Variants in LIMCH1 observed in about 807,000 individuals in gnomAD.
The protein encoded by LIMCH1 is LIM and calponin homology domains 1.
A neutral mutation model predicts 176.5 loss-of-function variants in LIMCH1; 113 were observed. The ratio of observed to expected loss-of-function variants is 0.64; its 90% CI spans 0.55 to 0.75. LIMCH1 has a LOEUF of 0.75. Ranked by LOEUF, LIMCH1 falls within the 30% of genes least tolerant of loss-of-function variation. LIMCH1 has a pLI of 0.00. For synonymous variants in LIMCH1, 619 were observed against 645.9 expected, an observed-to-expected ratio of 0.96 and a Z score of 0.63; for missense variants, 1,674 against 1,814.9, an observed-to-expected ratio of 0.92 and a Z score of 1.41.
Position 41,572,650 on chromosome 4 carries a change from G to A in LIMCH1, c.-240-26270G>A, listed in dbSNP as rs571868597. 3.3e-5 allele frequency among the ~76,000 whole-genome samples: 5 copies of A among 152,304 alleles called. No homozygotes were observed. In the South Asian group the frequency reaches 1.0e-3, roughly 32 times the overall value. Reference sequence around the variant, plus strand: ...AGCTTGGATGAGAAAACACAGAAAGGAATAATGCAAGGTCAGGCTGAAATG... The same window carrying A: ...AGCTTGGATGAGAAAACACAGAAAGAAATAATGCAAGGTCAGGCTGAAATG... On this transcript the variant is annotated intron_variant, in intron 1 of 31. Transcript: ENST00000503057.
In LIMCH1 at chr4:41,571,265, A is replaced by T. The variant is rs538192761; in HGVS notation, c.-240-27655A>T. ...GTGAGAAAAAGATGAAGACAGAGAC[A>T]GAGAAGAGAGGGGAAAATAAGTGTG... On this transcript the variant is annotated intron_variant, in intron 1 of 31. Coordinates refer to ENST00000503057, the MANE Select transcript of LIMCH1 (RefSeq NM_001330672.2). Among the ~76,000 whole-genome samples, 24 of 152,224 alleles carry T rather than the reference A, an allele frequency of 1.6e-4. No homozygotes were observed. The South Asian group carries it at 4.4e-3, about 28-fold the overall frequency.
At chr4:41,480,716 A>C (rs186391946) in intron 1 of LIMCH1, among the ~76,000 whole-genome samples, 1 of 152,282 alleles carries the variant, frequency 6.6e-6, no homozygotes, top group East Asian at 1.9e-4. Flanking sequence ...CAACCCATGT[A>C]GCCTACGAGC....
chr4:41,480,963 G>A (rs546366928), intron 1 of LIMCH1, among the ~76,000 whole-genome samples: 2 of 151,918 alleles, frequency 1.3e-5, no homozygotes, highest in Non-Finnish European at 2.9e-5. Flanking sequence ...ACAAGGGCTC[G>A]ATCAGAGGAT....
chr4:41,677,426 A>AAAAAGAG (rs1158905290), intron 23 of LIMCH1, among the ~76,000 whole-genome samples: 2 of 152,178 alleles, frequency 1.3e-5, no homozygotes, highest in Non-Finnish European at 2.9e-5. Flanking sequence ...AGAAAAAAGA[A>AAAAAGAG]AAGAAAAAGA....
At chr4:41,530,750 G>A (rs1207829248) in intron 3 of LIMCH1, among the ~76,000 whole-genome samples, 1 of 126,286 alleles carries the variant, frequency 7.9e-6, no homozygotes, top group African/African-American at 3.2e-5. Context: ...AGCCGAGATT[G>A]TGCCATTGCA....
chr4:41,543,049 A>T (rs1340407648), intron 1 of LIMCH1, among the ~76,000 whole-genome samples: 1 of 152,184 alleles, frequency 6.6e-6, no homozygotes, highest in Non-Finnish European at 1.5e-5. Context: ...TAATATGTTG[A>T]TTTGATGAAA....
chr4:41,431,323 C>T (rs2061590813), intron 1 of LIMCH1, among the ~76,000 whole-genome samples: 1 of 152,226 alleles, frequency 6.6e-6, no homozygotes, highest in Non-Finnish European at 1.5e-5. Context: ...TGGCCAGCCC[C>T]TTCTTACCTG....
At chr4:41,433,368 T>C (rs2061771701) in intron 1 of LIMCH1, among the ~76,000 whole-genome samples, 2 of 152,228 alleles carry the variant, frequency 1.3e-5, no homozygotes, top group Admixed American at 1.3e-4. Flanking sequence ...TACCTATTGC[T>C]GTATAAGAAA....
intron 28 of LIMCH1, among the ~76,000 whole-genome samples, chr4:41,687,335 G>A (rs185035569): frequency 4.6e-5 from 7 of 152,150 alleles, no homozygotes; most frequent in Non-Finnish European, 8.8e-5. Context: ...TTCATCCCAC[G>A]TATCCATAAT....
At chr4:41,496,031 C>T (rs1583125590) in intron 2 of LIMCH1, among the ~76,000 whole-genome samples, 1 of 152,212 alleles carries the variant, frequency 6.6e-6, no homozygotes, top group Non-Finnish European at 1.5e-5. Flanking sequence ...TCAGTGGATG[C>T]AAGCCAGTCA....
rs113302113 is a variant in LIMCH1, at chr4:41,369,939, A to AGTGTGTGTGTGTGT, written c.96+9010_96+9023dup. On this transcript the variant is annotated intron_variant, in intron 1 of 26. Transcript: ENST00000313860. ...CTGTTGCTGCCCTGACAGGAAGCAAAGTGTGTGTGTGTGTGTGTGTTTTGT... is the reference window on the plus strand; with the variant it reads ...CTGTTGCTGCCCTGACAGGAAGCAAAGTGTGTGTGTGTGTGTGTGTGTGTGTGTGTGTGTTTTGT... Among the ~76,000 whole-genome samples the AGTGTGTGTGTGTGT allele has an allele frequency of 4.2e-3, 577 of 138,340 alleles. 10 individuals are homozygous for AGTGTGTGTGTGTGT. Among genetic ancestry groups the AGTGTGTGTGTGTGT allele is most frequent in the African/African-American group, 0.015 (538 of 35,032 alleles). The allele number at this position is 138,340 out of a possible 152,430, so 90.8% of individuals were successfully genotyped here.
intron 1 of LIMCH1, among the ~76,000 whole-genome samples, chr4:41,451,863 C>A (rs1409481244): frequency 6.6e-5 from 10 of 152,178 alleles, no homozygotes. Flanking sequence ...ATCCCTTTAG[C>A]TAAGCTCCCA....
intron 1 of LIMCH1, among the ~76,000 whole-genome samples, chr4:41,424,852 A>G (rs2060928739): frequency 6.6e-6 from 1 of 152,228 alleles, no homozygotes; most frequent in South Asian, 2.1e-4. Context: ...GGTATCATTC[A>G]TCTTCTGTTT....
intron 1 of LIMCH1, among the ~76,000 whole-genome samples, chr4:41,482,559 G>GA (rs985382464): frequency 3.9e-5 from 6 of 152,118 alleles, no homozygotes; most frequent in African/African-American, 1.4e-4. Context: ...AATCAAATGA[G>GA]AAAAATGTCT....
chr4:41,533,107 T>C (rs1273641145), intron 3 of LIMCH1, among the ~76,000 whole-genome samples: 1 of 152,082 alleles, frequency 6.6e-6, no homozygotes, highest in African/African-American at 2.4e-5. Flanking sequence ...GGTCTTTCTA[T>C]AGAACAGCTT....
intron 4 of LIMCH1, among the ~76,000 whole-genome samples, chr4:41,606,410 G>A (rs1305789752): frequency 1.3e-5 from 2 of 152,140 alleles, no homozygotes; most frequent in African/African-American, 4.8e-5. Context: ...ACCCACTGGG[G>A]CCTTGATGTG....
intron 2 of LIMCH1, among the ~76,000 whole-genome samples, chr4:41,508,770 T>C (rs2074483329): frequency 6.6e-6 from 1 of 152,168 alleles, no homozygotes; most frequent in Non-Finnish European, 1.5e-5. Flanking sequence ...GTGACTTGTA[T>C]TGTATGTCCC....
At chr4:41,625,051 A>C (rs1026217226) in intron 7 of LIMCH1, among the ~76,000 whole-genome samples, 1 of 152,224 alleles carries the variant, frequency 6.6e-6, no homozygotes, top group Non-Finnish European at 1.5e-5. Context: ...TCTATGAGTG[A>C]CTTGGACAAA....
intron 1 of LIMCH1, among the ~76,000 whole-genome samples, chr4:41,555,934 A>G (rs1389015443): frequency 6.6e-6 from 1 of 151,956 alleles, no homozygotes; most frequent in African/African-American, 2.4e-5. Flanking sequence ...TTGTAGAGAC[A>G]GGGTTTCACT....
Sources: gnomAD v4.1 joint callset for allele counts (sites outside exome capture counted in the v4.1 genomes callset) on GRCh38, gnomAD v4.1.1 for gene constraint, MANE v1.5 for transcripts, NCBI Gene and HGNC (gene_info 2026-07-23, HGNC 2026-07-21) for gene names.